The following DLC1 variants were observed in gnomAD, a reference collection of about 807,000 sequenced individuals.
DLC1 encodes DLC1 Rho GTPase activating protein.
DLC1 carries 54 observed loss-of-function variants against 140.3 expected under a neutral mutation model. That is an observed-to-expected ratio of 0.38 (90% CI 0.31 to 0.48). The LOEUF (loss-of-function observed/expected upper bound fraction) is 0.48, where lower values mean the gene tolerates loss of function less well. Ranked by LOEUF, DLC1 falls within the 20% of genes least tolerant of loss-of-function variation. The probability of loss-of-function intolerance (pLI) is 0.96; values close to 1 mark genes in which losing one functional copy is unlikely to be tolerated. For synonymous variants in DLC1, 986 were observed against 728.1 expected (o/e 1.35, Z -5.70); for missense variants, 2,536 against 1,907.0 (o/e 1.33, Z -6.14).
intron 2 of DLC1, among the ~76,000 whole-genome samples, chr8:13,415,724 T>G (rs1055414293): frequency 1.3e-5 from 2 of 152,120 alleles, no homozygotes; most frequent in South Asian, 4.1e-4. Context: ...TTATTATTAT[T>G]TCTTTTTTAC....
intron 4 of DLC1, chr8:13,340,107 C>T (rs528986385): frequency 7.0e-6 from 1 of 142,802 alleles, no homozygotes; most frequent in East Asian, 2.0e-4. Flanking sequence ...GGAAGGAGGT[C>T]CTGGGGAGGA....
At chr8:13,399,160 T>C (rs907766301) in intron 3 of DLC1, among the ~76,000 whole-genome samples, 1 of 152,174 alleles carries the variant, frequency 6.6e-6, no homozygotes, top group East Asian at 1.9e-4. Context: ...TAATTACACA[T>C]TGACTAGAAA....
At position 13,264,142 on chromosome 8, in the gene DLC1, C is replaced by G. The variant is rs371606231; in HGVS notation, c.1348+41127G>C. On this transcript the variant is annotated intron_variant, in intron 5 of 17. Transcript: ENST00000276297. ...GGAGTGCAGTAGCACCATCTTGGCT[C>G]ACTGCAACCTCTCCCTCCCGGGTTC... is the stretch of plus-strand genomic sequence containing the variant. 3.5e-4 allele frequency among the ~76,000 whole-genome samples: 53 copies of G among 151,864 alleles called. No individual in the cohort carries two copies. The East Asian group carries it at 8.1e-3, about 23-fold the overall frequency.
chr8:13,515,121 A>C (rs1489369310), upstream of DLC1, among the ~76,000 whole-genome samples: 1 of 152,136 alleles, frequency 6.6e-6, no homozygotes, highest in Non-Finnish European at 1.5e-5. Context: ...GAAAGAAAGA[A>C]AACGTAGTTT....
chr8:13,310,883 A>G (rs999380166), intron 4 of DLC1, among the ~76,000 whole-genome samples: 2 of 152,170 alleles, frequency 1.3e-5, no homozygotes, highest in Admixed American at 1.3e-4. Context: ...GTGTTTCCCA[A>G]TCTTCAGTTC....
At chr8:13,568,145 A>G in intron 1 of DLC1, 2 of 621,982 alleles carry the variant, frequency 3.2e-6, no homozygotes, top group South Asian at 5.4e-5. Flanking sequence ...TTCCAAGAGA[A>G]CTATGTTGGT....
chr8:13,315,465 G>T (rs1467336854), intron 4 of DLC1, among the ~76,000 whole-genome samples: 1 of 152,190 alleles, frequency 6.6e-6, no homozygotes, highest in African/African-American at 2.4e-5. Context: ...CACCTCTGAG[G>T]TACATGTCTG....
chr8:13,344,127 C>G lies in DLC1; in HGVS notation c.1315-38825G>C, dbSNP rs140817932. Among the ~76,000 whole-genome samples the G allele has an allele frequency of 6.7e-3, 1,023 of 152,266 alleles. 12 individuals are homozygous for G. The highest frequency in any genetic ancestry group is 0.023 in the African/African-American group (950 of 41,548). Reference sequence around the variant, plus strand: ...TCTTTCATTCAATACATATTCAGTACTTACACCAAAATTCTGTATCTTGAG... The same window carrying G: ...TCTTTCATTCAATACATATTCAGTAGTTACACCAAAATTCTGTATCTTGAG... On this transcript the variant is annotated intron_variant, in intron 4 of 17. Coordinates refer to ENST00000276297, the MANE Select transcript of DLC1 (RefSeq NM_182643.3).
At chr8:13,321,303 G>C (rs1415926027) in intron 4 of DLC1, among the ~76,000 whole-genome samples, 1 of 152,044 alleles carries the variant, frequency 6.6e-6, no homozygotes, top group African/African-American at 2.4e-5. Flanking sequence ...ACTTTGCAAG[G>C]CTGTAGTGGG....
At chr8:13,544,444 A>T (rs937211491) in intron 1 of DLC1, among the ~76,000 whole-genome samples, 1 of 152,218 alleles carries the variant, frequency 6.6e-6, no homozygotes, top group African/African-American at 2.4e-5. Context: ...TACATAGAAG[A>T]TTAAACACAG....
intron 1 of DLC1, chr8:13,559,440 T>C (rs1202505875): frequency 6.6e-6 from 1 of 152,240 alleles, no homozygotes; most frequent in East Asian, 1.9e-4. Context: ...TTTATGACAT[T>C]AGCTCTCTTT....
intron 2 of DLC1, among the ~76,000 whole-genome samples, chr8:13,447,176 T>C (rs1317375999): frequency 1.3e-5 from 2 of 152,232 alleles, no homozygotes; most frequent in Non-Finnish European, 2.9e-5. Context: ...TGTTGATTTT[T>C]GGAATGAGAA....
At chr8:13,248,248 C>T (rs1003020965) in intron 5 of DLC1, among the ~76,000 whole-genome samples, 16 of 152,218 alleles carry the variant, frequency 1.1e-4, no homozygotes, top group Non-Finnish European at 2.4e-4. Context: ...AACACACTCT[C>T]TTATATCCAC....
chr8:13,200,235 AT>A (rs202058106), intron 5 of DLC1, among the ~76,000 whole-genome samples: 1,810 of 149,494 alleles, frequency 0.012, 13 homozygotes, highest in South Asian at 0.035. Context: ...GTATATATAT[AT>A]TTTTTTTAGT....
At chr8:13,382,688 A>C (rs1449998303) in intron 4 of DLC1, among the ~76,000 whole-genome samples, 4 of 152,180 alleles carry the variant, frequency 2.6e-5, no homozygotes, top group East Asian at 1.9e-4. Context: ...ATCATACTCA[A>C]GAAAATATGG....
chr8:13,084,840 G>T lies in DLC1; in HGVS notation c.*971C>A, dbSNP rs746920550. ...ATTCCCAAACATAGTGTCTTAAGGC[G>T]TTTCTGTTACAAACACAAAAATGCA... On this transcript the variant is annotated 3_prime_UTR_variant, in exon 18 of 18. Transcript: ENST00000276297. The T allele has an allele frequency of 6.6e-6, 1 of 152,162 alleles. No individual in the cohort carries two copies. 9.4% of individuals were successfully genotyped at this position (152,162 alleles called of 1,614,324 possible). A position where few individuals can be genotyped will look rare whatever the true frequency, so the allele number is the denominator to read the frequency against.
intron 5 of DLC1, among the ~76,000 whole-genome samples, chr8:13,298,029 CT>C (rs1333338222): frequency 1.2e-4 from 18 of 152,208 alleles, no homozygotes; most frequent in African/African-American, 4.3e-4. Flanking sequence ...TGATTTTTCC[CT>C]TACGCATTTG....
chr8:13,248,376 AAGAAAGACTCTCTGACTCTG>A (rs147804258), intron 5 of DLC1, among the ~76,000 whole-genome samples: 27,175 of 151,750 alleles, frequency 0.18, 2,623 homozygotes, highest in African/African-American at 0.25. Flanking sequence ...TAGTTGCAGG[AAGAAAGACTCTCTGACTCTG>A]AGAAAGACTC....
intron 5 of DLC1, among the ~76,000 whole-genome samples, chr8:13,186,075 G>A (rs890526475): frequency 8.6e-5 from 13 of 151,852 alleles, no homozygotes; most frequent in African/African-American, 1.2e-4. Flanking sequence ...CTGGCTGCCC[G>A]TAACGCTTTT....
Sources: allele counts gnomAD v4.1 joint callset (sites outside exome capture counted in the v4.1 genomes callset), GRCh38; gene constraint gnomAD v4.1.1; transcripts MANE v1.5; gene names NCBI Gene and HGNC (gene_info 2026-07-23, HGNC 2026-07-21).